Variants in AGBL1 observed in about 807,000 individuals in gnomAD.
AGBL1 encodes AGBL carboxypeptidase 1.
A neutral mutation model predicts 118.9 loss-of-function variants in AGBL1; 130 were observed. The ratio of observed to expected loss-of-function variants is 1.09; its 90% CI spans 0.95 to 1.26. The LOEUF (loss-of-function observed/expected upper bound fraction) is 1.26, where lower values mean the gene tolerates loss of function less well. Among genes scored for constraint, AGBL1 ranks in the 50% most tolerant of loss-of-function variants. AGBL1 has a pLI of 0.00. For missense variants in AGBL1, 1,584 were observed against 1,298.1 expected (o/e 1.22, Z -3.38); for synonymous variants, 555 against 478.9 (o/e 1.16, Z -2.08).
At chr15:86,539,394 T>C (rs7176002) in intron 19 of AGBL1, among the ~76,000 whole-genome samples, 24,630 of 152,138 alleles carry the variant, frequency 0.16, 2,075 homozygotes, top group Middle Eastern at 0.19. Flanking sequence ...TATATACTTA[T>C]ATCTGGTGCC....
chr15:86,513,550 C>T (rs1167207095), intron 18 of AGBL1, among the ~76,000 whole-genome samples: 1 of 151,992 alleles, frequency 6.6e-6, no homozygotes, highest in Admixed American at 6.6e-5. Context: ...TGGGGAGATA[C>T]TCTGATGTGA....
chr15:86,944,888 G>C lies in AGBL1; in HGVS notation c.3222-43099G>C, dbSNP rs182465766. Among the ~76,000 whole-genome samples the C allele has an allele frequency of 9.9e-5, 15 of 152,028 alleles. 2 individuals carry two copies. Among genetic ancestry groups the C allele is most frequent in the Admixed American group, 9.2e-4 (14 of 15,260 alleles). ...ACTAGGAGACTTTTGCAGGGAAAAG[G>C]GTTTTCTCTAAATACTTACAGTAGG... is the stretch of plus-strand genomic sequence containing the variant. On this transcript the variant is annotated intron_variant, in intron 23 of 24. Coordinates refer to the AGBL1 transcript ENST00000441037.
At chr15:86,904,313 C>G (rs1291963302) in intron 22 of AGBL1, among the ~76,000 whole-genome samples, 1 of 151,920 alleles carries the variant, frequency 6.6e-6, no homozygotes, top group Admixed American at 6.6e-5. Flanking sequence ...TCTCTCCCTA[C>G]TCCATCCACG....
chr15:86,378,733 C>CT (rs2081072197), intron 17 of AGBL1, among the ~76,000 whole-genome samples: 1 of 151,980 alleles, frequency 6.6e-6, no homozygotes, highest in Admixed American at 6.6e-5. Flanking sequence ...ATTGAGGCCA[C>CT]ATGTAAGTAA....
intron 22 of AGBL1, among the ~76,000 whole-genome samples, chr15:86,797,217 T>G (rs16977991): frequency 0.1 from 15,361 of 152,270 alleles, 923 homozygotes; most frequent in South Asian, 0.17. Flanking sequence ...CTCAAAGGAC[T>G]GCATGCCCAC....
intron 1 of AGBL1, among the ~76,000 whole-genome samples, chr15:86,140,401 G>A (rs1567080433): frequency 6.6e-6 from 1 of 152,106 alleles, no homozygotes; most frequent in Non-Finnish European, 1.5e-5. Context: ...TGGGGATGTT[G>A]TTGGACTTCA....
intron 24 of AGBL1, chr15:86,988,321 A>G (rs2141735859): frequency 2.4e-6 from 1 of 419,510 alleles, no homozygotes; most frequent in Non-Finnish European, 4.3e-6. Context: ...CTGTATGCAT[A>G]GAACTCAGTA....
intron 17 of AGBL1, among the ~76,000 whole-genome samples, chr15:86,355,650 T>C (rs1394403045): frequency 1.3e-5 from 2 of 152,146 alleles, no homozygotes; most frequent in African/African-American, 2.4e-5. Context: ...AGATATATAG[T>C]TGCCATTTTC....
Position 86,785,460 on chromosome 15 carries a change from C to T in AGBL1, c.3158+111024C>T, listed in dbSNP as rs138256176. The stretch of plus-strand genomic sequence containing the variant: ...TGTGATCTCTGTTCACTGCAACCTC[C>T]ACCTCCCAGGTTCAAGCGATCCTCC... On this transcript the variant is annotated intron_variant, in intron 22 of 22. Transcript: ENST00000614907. 2.3e-3 allele frequency among the ~76,000 whole-genome samples: 340 copies of T among 150,486 alleles called. 2 individuals carry two copies. Among genetic ancestry groups the T allele is most frequent in the African/African-American group, 7.6e-3 (311 of 40,918 alleles).
Position 86,909,569 on chromosome 15 carries a change from A to G in AGBL1, c.*2275A>G, listed in dbSNP as rs1056551010. ...TTGTATATCCATTCTTCATATTAAG[A>G]CATGTATGTTTATGTAACATATGCA... is the stretch of plus-strand genomic sequence containing the variant. On this transcript the variant is annotated 3_prime_UTR_variant, in exon 23 of 23. Transcript: ENST00000614907. The G allele has an allele frequency of 1.3e-5, 2 of 152,246 alleles. No homozygotes were observed. Among genetic ancestry groups the G allele is most frequent in the Admixed American group, 6.5e-5 (1 of 15,288 alleles). 9.4% of individuals were successfully genotyped at this position (152,246 alleles called of 1,614,324 possible). A position where few individuals can be genotyped will look rare whatever the true frequency, so the allele number is the denominator to read the frequency against.
chr15:86,778,510 C>T lies in AGBL1; in HGVS notation c.3158+104074C>T, dbSNP rs539911953. ...CATTTCAGAGGCCTACCCTCAGGGACGCATTCTCTTTCTCAGGGATGTTCC... is the reference window on the plus strand; with the variant it reads ...CATTTCAGAGGCCTACCCTCAGGGATGCATTCTCTTTCTCAGGGATGTTCC... On this transcript the variant is annotated intron_variant, in intron 22 of 22. Transcript: ENST00000614907. 1.8e-4 allele frequency among the ~76,000 whole-genome samples: 27 copies of T among 152,100 alleles called. No homozygotes were observed. In the East Asian group the frequency reaches 3.1e-3, roughly 17 times the overall value.
intron 17 of AGBL1, chr15:86,304,896 C>T (rs2079814032): frequency 6.6e-6 from 1 of 152,176 alleles, no homozygotes; most frequent in Non-Finnish European, 1.5e-5. Context: ...AAAACTGTGC[C>T]ACACATCCAC....
chr15:86,566,714 G>GACAC (rs149448582), intron 21 of AGBL1, among the ~76,000 whole-genome samples: 1 of 151,732 alleles, frequency 6.6e-6, no homozygotes, highest in Admixed American at 6.6e-5. Context: ...TCAGGATACA[G>GACAC]ACACACACAC....
At chr15:86,641,069 T>G (rs138519470) in intron 21 of AGBL1, among the ~76,000 whole-genome samples, 83 of 152,100 alleles carry the variant, frequency 5.5e-4, no homozygotes, top group African/African-American at 1.9e-3. Context: ...TCCTAATGTT[T>G]TCCTTCTTAA....
intron 21 of AGBL1, among the ~76,000 whole-genome samples, chr15:86,637,901 G>A (rs1157794086): frequency 6.6e-6 from 1 of 152,148 alleles, no homozygotes; most frequent in Admixed American, 6.5e-5. Context: ...AGAGGGAGAT[G>A]GTGTTTGGAA....
At chr15:86,986,085 G>A (rs912834641) in intron 23 of AGBL1, among the ~76,000 whole-genome samples, 1 of 151,878 alleles carries the variant, frequency 6.6e-6, no homozygotes, top group Non-Finnish European at 1.5e-5. Context: ...CACCATGCCC[G>A]GCTAATTTTT....
At chr15:86,867,302 G>C (rs185350879) in intron 22 of AGBL1, among the ~76,000 whole-genome samples, 34 of 152,128 alleles carry the variant, frequency 2.2e-4, no homozygotes, top group Non-Finnish European at 4.6e-4. Context: ...CACTTGATGT[G>C]CTGGTACTTC....
At chr15:86,377,266 C>T (rs142404781) in intron 17 of AGBL1, among the ~76,000 whole-genome samples, 4 of 152,280 alleles carry the variant, frequency 2.6e-5, no homozygotes, top group African/African-American at 9.6e-5. Flanking sequence ...CACATATGTG[C>T]ATACCTTTAC....
intron 1 of AGBL1, among the ~76,000 whole-genome samples, chr15:86,105,912 G>A (rs1174848769): frequency 1.3e-5 from 2 of 152,136 alleles, no homozygotes; most frequent in Non-Finnish European, 2.9e-5. Flanking sequence ...CAAGTTACAT[G>A]GAATATCTGG....
Sources: gnomAD v4.1 joint callset for allele counts (sites outside exome capture counted in the v4.1 genomes callset) on GRCh38, gnomAD v4.1.1 for gene constraint, MANE v1.5 for transcripts, NCBI Gene and HGNC (gene_info 2026-07-23, HGNC 2026-07-21) for gene names.